RIC1: variants seen among roughly 807,000 people sequenced by gnomAD.
The protein encoded by RIC1 is RIC1 partner of RAB6A GEF complex.
Under a neutral mutation model 169.0 loss-of-function variants are expected in RIC1, and 88 were observed. The observed-to-expected ratio is 0.52, with a 90% CI of 0.44 to 0.62. RIC1 has a LOEUF of 0.62. Among genes scored for constraint, RIC1 ranks in the 20% least tolerant of loss-of-function variants. The pLI is 0.00. For synonymous variants in RIC1, 790 were observed against 601.5 expected, an observed-to-expected ratio of 1.31 and a Z score of -4.59; for missense variants, 1,877 against 1,725.5, an observed-to-expected ratio of 1.09 and a Z score of -1.56.
At chr9:5,630,968 C>A (rs1323077556) in intron 1 of RIC1, among the ~76,000 whole-genome samples, 1 of 152,120 alleles carries the variant, frequency 6.6e-6, no homozygotes. Flanking sequence ...TTGAATGTAA[C>A]AAATTTAGAC....
At chr9:5,745,290 GC>G (rs1825312839) in intron 10 of RIC1, among the ~76,000 whole-genome samples, 1 of 152,066 alleles carries the variant, frequency 6.6e-6, no homozygotes, top group Non-Finnish European at 1.5e-5. Flanking sequence ...CATTTTCTTG[GC>G]TTGAAGATTG....
At chr9:5,778,043 A>T (rs183102205), downstream of RIC1, among the ~76,000 whole-genome samples, 160 of 152,322 alleles carry the variant, frequency 1.1e-3, no homozygotes, top group African/African-American at 3.5e-3. Flanking sequence ...ACATAAAGCA[A>T]ATGTGGAGAA....
chr9:5,659,411 A>G (rs1262584230), intron 2 of RIC1, among the ~76,000 whole-genome samples: 8 of 152,200 alleles, frequency 5.3e-5, no homozygotes, highest in South Asian at 4.1e-4. Flanking sequence ...TGAAAATACC[A>G]TAAGTAAAAA....
At chr9:5,670,802 C>G (rs1820043870) in intron 2 of RIC1, among the ~76,000 whole-genome samples, 1 of 152,168 alleles carries the variant, frequency 6.6e-6, no homozygotes, top group Non-Finnish European at 1.5e-5. Flanking sequence ...TTTTATTATT[C>G]AAATAAGTCT....
chr9:5,716,887 G>C (rs1587006451), intron 4 of RIC1, among the ~76,000 whole-genome samples: 1 of 152,196 alleles, frequency 6.6e-6, no homozygotes, highest in Non-Finnish European at 1.5e-5. Context: ...TGCTCAGTTG[G>C]TCTCGAGCTC....
chr9:5,693,600 G>C (rs1246929590), intron 3 of RIC1, among the ~76,000 whole-genome samples: 1 of 152,196 alleles, frequency 6.6e-6, no homozygotes, highest in African/African-American at 2.4e-5. Context: ...AGGTTGTCTG[G>C]ACATTTTATT....
At chr9:5,728,520 G>A (rs1040184068) in intron 6 of RIC1, among the ~76,000 whole-genome samples, 2 of 152,174 alleles carry the variant, frequency 1.3e-5, no homozygotes, top group African/African-American at 4.8e-5. Flanking sequence ...TCCTCCTTGG[G>A]CTCACACTCC....
At position 5,746,827 on chromosome 9, in the gene RIC1, C is replaced by T. The variant is rs1009805023; in HGVS notation, c.1249-475C>T. Among the ~76,000 whole-genome samples, 3 of 152,024 alleles carry T rather than the reference C, an allele frequency of 2.0e-5. No homozygotes were observed. In the South Asian group the frequency reaches 6.2e-4, roughly 32 times the overall value. On this transcript the variant is annotated intron_variant, in intron 11 of 25. Transcript: ENST00000414202. Reference sequence around the variant, plus strand: ...ACAACAAATTTCTAATTAAAATTTACGAACATCCATAAAAAATGTGAAAAT... The same window carrying T: ...ACAACAAATTTCTAATTAAAATTTATGAACATCCATAAAAAATGTGAAAAT...
chr9:5,742,935 T>C lies in RIC1; in HGVS notation c.968T>C (p.Val323Ala). ...TCTCCTGACAATAGTGTTGTAATAG[T>C]GACCTGGGAATACGGAGGCCTTTCT... Reference protein sequence around the residue: ...RWSPDNSVVIVTWEYGGLSLW... With the variant: ...RWSPDNSVVIATWEYGGLSLW... Residue 323 changes from valine (V) to alanine (A), a missense_variant, in exon 9 of 26, where the codon GTG becomes GCG. This residue lies in a region of RIC1 where 1,104 missense variants were observed against 992.0 expected (regional missense o/e 1.11). Transcript: ENST00000414202. 1 of 1,613,374 alleles carries C rather than the reference T, an allele frequency of 6.2e-7. No homozygotes were observed. The highest frequency in any genetic ancestry group is 8.5e-7 in the Non-Finnish European group (1 of 1,179,506).
At chr9:5,698,078 C>G (rs1326709025) in intron 3 of RIC1, among the ~76,000 whole-genome samples, 1 of 152,184 alleles carries the variant, frequency 6.6e-6, no homozygotes, top group African/African-American at 2.4e-5. Flanking sequence ...TTCCCCCACA[C>G]CCCAAATCTA....
chr9:5,666,747 A>G (rs146349551), intron 2 of RIC1, among the ~76,000 whole-genome samples: 9 of 152,160 alleles, frequency 5.9e-5, no homozygotes, highest in Admixed American at 2.0e-4. Context: ...GTCACGATGT[A>G]TGAAGTATTT....
In RIC1 at chr9:5,769,984, T is replaced by C. The variant is rs185855938; in HGVS notation, c.3425-103T>C. On this transcript the variant is annotated intron_variant, in intron 22 of 25. Coordinates refer to ENST00000414202, the MANE Select transcript of RIC1 (RefSeq NM_020829.4). The stretch of plus-strand genomic sequence containing the variant: ...AGTAATTGCCTTTGAACTGTTCTTA[T>C]TGGGTAGGCAGGTAGGGGAAGCTAA... 3.5e-4 allele frequency: 354 copies of C among 998,182 alleles called. No individual in the cohort carries two copies. In the East Asian group the frequency reaches 8.6e-3, roughly 24 times the overall value. The allele number at this position is 998,182 out of a possible 1,614,324, so 61.8% of individuals were successfully genotyped here.
Position 5,676,950 on chromosome 9 carries a change from C to A in RIC1, c.253-13009C>A, listed in dbSNP as rs529213859. Among the ~76,000 whole-genome samples, 6 of 152,248 alleles carry A rather than the reference C, an allele frequency of 3.9e-5. No homozygotes were observed. The South Asian group carries it at 1.2e-3, about 32-fold the overall frequency. ...TGTTGATGGACAGTTTGACTTGTTTCCCGTTTGGGGCTGTAACAAACAAAA... is the reference window on the plus strand; with the variant it reads ...TGTTGATGGACAGTTTGACTTGTTTACCGTTTGGGGCTGTAACAAACAAAA... On this transcript the variant is annotated intron_variant, in intron 2 of 25. Coordinates refer to ENST00000414202, the MANE Select transcript of RIC1 (RefSeq NM_020829.4).
Position 5,747,495 on chromosome 9 carries a change from A to G in RIC1, c.1442A>G (p.His481Arg). ...LSTLLGHRHW[H>R]VVQISSTYLE... is the part of the protein sequence containing the mutation. ...ACTTTACTTGGACATCGGCATTGGC[A>G]TGTTGTACAGGTAAATCTTTAGTTA... Residue 481 changes from histidine to arginine, a missense_variant, in exon 12 of 26, where the codon CAT becomes CGT. This residue lies in a region of RIC1 where 1,104 missense variants were observed against 992.0 expected (regional missense o/e 1.11). Coordinates refer to ENST00000414202, the MANE Select transcript of RIC1 (RefSeq NM_020829.4). 1 of 1,613,556 alleles carries G rather than the reference A, an allele frequency of 6.2e-7. No individual in the cohort carries two copies. Among genetic ancestry groups the G allele is most frequent in the South Asian group, 1.1e-5 (1 of 91,082 alleles).
intron 3 of RIC1, among the ~76,000 whole-genome samples, chr9:5,699,876 G>A (rs1319326768): frequency 6.6e-6 from 1 of 152,090 alleles, no homozygotes; most frequent in Non-Finnish European, 1.5e-5. Context: ...CTGTAAATAA[G>A]ACAAATTGTC....
chr9:5,629,245 C>T lies in RIC1; in HGVS notation c.-65C>T. ...GGCCGGTGGCGGTGTGGGAGGTGGG[C>T]GACCAGCCCGGGGCCGCTGAGTGTG... On this transcript the variant is annotated 5_prime_UTR_variant, in exon 1 of 26. It introduces an in-frame stop codon into an upstream open reading frame of the 5' UTR. Coordinates refer to ENST00000414202, the MANE Select transcript of RIC1 (RefSeq NM_020829.4). 1 of 1,304,792 alleles carries T rather than the reference C, an allele frequency of 7.7e-7. No homozygotes were observed. Among genetic ancestry groups the T allele is most frequent in the Non-Finnish European group, 9.8e-7 (1 of 1,024,530 alleles). The allele number at this position is 1,304,792 out of a possible 1,614,324, so 80.8% of individuals were successfully genotyped here.
chr9:5,666,584 T>C (rs1420929337), intron 2 of RIC1, among the ~76,000 whole-genome samples: 1 of 152,226 alleles, frequency 6.6e-6, no homozygotes, highest in Non-Finnish European at 1.5e-5. Context: ...TCTGGCATGC[T>C]TTTATTGTTA....
At chr9:5,759,786 A>G (rs943811388) in intron 17 of RIC1, among the ~76,000 whole-genome samples, 29 of 152,226 alleles carry the variant, frequency 1.9e-4, no homozygotes, top group African/African-American at 7.0e-4. Context: ...TGAAAAAAAA[A>G]TAAGGGATGG....
At chr9:5,722,168 G>A (rs942652121) in intron 6 of RIC1, among the ~76,000 whole-genome samples, 3 of 149,684 alleles carry the variant, frequency 2.0e-5, no homozygotes, top group Non-Finnish European at 4.4e-5. Flanking sequence ...GATTACAGGC[G>A]TCAGCCATGG....
Sources: allele counts gnomAD v4.1 joint callset (sites outside exome capture counted in the v4.1 genomes callset), GRCh38; gene constraint gnomAD v4.1.1; regional missense constraint gnomAD v4.1.1; transcripts MANE v1.5; gene names NCBI Gene and HGNC (gene_info 2026-07-23, HGNC 2026-07-21).